The following MAPK10 variants were observed in gnomAD, a reference collection of about 807,000 sequenced individuals.
The protein encoded by MAPK10 is JNK3 alpha protein kinase.
MAPK10 carries 25 observed loss-of-function variants against 59.3 expected under a neutral mutation model. That is an observed-to-expected ratio of 0.42 (90% CI 0.31 to 0.59). The LOEUF (loss-of-function observed/expected upper bound fraction) is 0.59, where lower values mean the gene tolerates loss of function less well. Among genes scored for constraint, MAPK10 ranks in the 20% least tolerant of loss-of-function variants. MAPK10 has a pLI of 0.15. For synonymous variants in MAPK10, 190 were observed against 200.5 expected (o/e 0.95, Z 0.44); for missense variants, 351 against 568.9 (o/e 0.62, Z 3.90).
Position 86,451,891 on chromosome 4 carries a change from G to A in MAPK10, c.-122+1139C>T, listed in dbSNP as rs140018458. Among the ~76,000 whole-genome samples, 112 of 152,274 alleles carry A rather than the reference G, an allele frequency of 7.4e-4. 1 individual carries two copies. The highest frequency in any genetic ancestry group is 2.6e-3 in the African/African-American group (109 of 41,564). ...GACACCAGATACCAGCTCGGGGGAT[G>A]ACAGCTCATCTGGGGCCTGTGTGCA... On this transcript the variant is annotated intron_variant, in intron 1 of 13. Coordinates refer to the MAPK10 transcript ENST00000361569.
At chr4:86,531,244 C>A (rs566423152) in intron 1 of MAPK10, among the ~76,000 whole-genome samples, 19 of 152,302 alleles carry the variant, frequency 1.2e-4, no homozygotes, top group Admixed American at 1.0e-3. Flanking sequence ...CTAAGCAAGT[C>A]ATAAAGTAAT....
intron 2 of MAPK10, among the ~76,000 whole-genome samples, chr4:86,202,095 A>C (rs1306620405): frequency 6.6e-6 from 1 of 152,016 alleles, no homozygotes; most frequent in Non-Finnish European, 1.5e-5. Flanking sequence ...CACATAGTAC[A>C]AAGGGGTATA....
intron 12 of MAPK10, 53 bp from the exon 13 acceptor site, chr4:86,029,327 G>T: frequency 8.8e-7 from 1 of 1,139,842 alleles, no homozygotes; most frequent in Non-Finnish European, 1.3e-6. Context: ...TTCATCCACA[G>T]GGAAATTCAT....
At position 86,311,293 on chromosome 4, in the gene MAPK10, A is replaced by T. The variant is rs552239810; in HGVS notation, c.-7+43237T>A. 2.0e-5 allele frequency among the ~76,000 whole-genome samples: 3 copies of T among 152,234 alleles called. No individual in the cohort carries two copies. The South Asian group carries it at 6.2e-4, about 32-fold the overall frequency. On this transcript the variant is annotated intron_variant, in intron 2 of 13. Transcript: ENST00000641462. ...ATCCTAGGCTCTCGTCTTATTATTC[A>T]TTAGTTTTATAGATAATCCAAGGTA...
At chr4:86,285,000 C>G (rs10019269) in intron 2 of MAPK10, among the ~76,000 whole-genome samples, 35 of 152,252 alleles carry the variant, frequency 2.3e-4, no homozygotes, top group African/African-American at 7.2e-4. Flanking sequence ...ATTTACATGG[C>G]CTTTCAATGA....
chr4:86,108,772 G>A (rs1185828819), intron 4 of MAPK10, among the ~76,000 whole-genome samples: 1 of 152,076 alleles, frequency 6.6e-6, no homozygotes, highest in African/African-American at 2.4e-5. Context: ...CTGCCTTCCA[G>A]GGCAACTCAA....
intron 2 of MAPK10, among the ~76,000 whole-genome samples, chr4:86,195,504 G>A (rs1176823868): frequency 6.6e-6 from 1 of 152,162 alleles, no homozygotes; most frequent in Non-Finnish European, 1.5e-5. Flanking sequence ...AAGTAAATGA[G>A]CTGAGGCCGC....
intron 1 of MAPK10, among the ~76,000 whole-genome samples, chr4:86,584,039 ATGTC>A (rs1762493310): frequency 1.3e-5 from 2 of 152,054 alleles, no homozygotes; most frequent in African/African-American, 4.8e-5. Context: ...GAGTGTGTGT[ATGTC>A]TGTGTGTGTG....
chr4:86,436,428 G>A (rs1405164281), intron 1 of MAPK10, among the ~76,000 whole-genome samples: 1 of 152,214 alleles, frequency 6.6e-6, no homozygotes, highest in Non-Finnish European at 1.5e-5. Flanking sequence ...TGAGTTAAGA[G>A]ATAGGAAAAC....
At chr4:86,427,679 A>G (rs1747486002) in intron 1 of MAPK10, among the ~76,000 whole-genome samples, 1 of 152,248 alleles carries the variant, frequency 6.6e-6, no homozygotes, top group Non-Finnish European at 1.5e-5. Context: ...TTATATTGAC[A>G]GGTTAAAAGA....
intron 4 of MAPK10, among the ~76,000 whole-genome samples, chr4:86,147,094 A>C (rs548411318): frequency 1.2e-4 from 17 of 147,778 alleles, no homozygotes; most frequent in Admixed American, 4.7e-4. Context: ...TCTTCTTCTT[A>C]TTTTTTTTTT....
intron 4 of MAPK10, among the ~76,000 whole-genome samples, chr4:86,156,221 TTATAAC>T (rs1384028402): frequency 2.0e-5 from 3 of 152,056 alleles, no homozygotes; most frequent in Non-Finnish European, 4.4e-5. Flanking sequence ...CCAGGGCATC[TTATAAC>T]TATGATTATT....
chr4:86,121,333 G>T (rs573016034), intron 4 of MAPK10, among the ~76,000 whole-genome samples: 1 of 152,232 alleles, frequency 6.6e-6, no homozygotes, highest in South Asian at 2.1e-4. Flanking sequence ...TGGCAGAGGG[G>T]ATAACTAGCT....
chr4:86,141,780 AGTC>A (rs1438286683), intron 4 of MAPK10, among the ~76,000 whole-genome samples: 4 of 152,232 alleles, frequency 2.6e-5, no homozygotes, highest in Non-Finnish European at 5.9e-5. Context: ...TATGTATGAC[AGTC>A]CTATCTTAGT....
intron 1 of MAPK10, among the ~76,000 whole-genome samples, chr4:86,419,809 A>G (rs1006709411): frequency 6.6e-6 from 1 of 152,170 alleles, no homozygotes; most frequent in Non-Finnish European, 1.5e-5. Context: ...GCTAATATCC[A>G]TGACAGTAAA....
At chr4:86,131,588 G>GA (rs994434224) in intron 4 of MAPK10, among the ~76,000 whole-genome samples, 1 of 151,996 alleles carries the variant, frequency 6.6e-6, no homozygotes, top group South Asian at 2.1e-4. Context: ...AAAATAAAAA[G>GA]AAAAAAAGAG....
chr4:86,428,173 C>T lies in MAPK10; in HGVS notation c.-122+24857G>A, dbSNP rs920726547. The stretch of plus-strand genomic sequence containing the variant: ...TTTTTTTTGAGACAAGGTCTTTTTG[C>T]TCTGTCGCCCAGGCTGGAGCAGCAA... On this transcript the variant is annotated intron_variant, in intron 1 of 13. Coordinates refer to the MAPK10 transcript ENST00000361569. 7.3e-5 allele frequency among the ~76,000 whole-genome samples: 11 copies of T among 150,518 alleles called. No individual in the cohort carries two copies. In the South Asian group the frequency reaches 1.0e-3, roughly 14 times the overall value.
At chr4:86,561,545 A>G (rs1411345736) in intron 1 of MAPK10, among the ~76,000 whole-genome samples, 1 of 152,198 alleles carries the variant, frequency 6.6e-6, no homozygotes, top group African/African-American at 2.4e-5. Flanking sequence ...TTTACAGTGA[A>G]TGAAGAACTA....
intron 2 of MAPK10, among the ~76,000 whole-genome samples, chr4:86,214,913 C>A (rs975522032): frequency 2.2e-4 from 34 of 152,114 alleles, no homozygotes; most frequent in Admixed American, 2.2e-3. Context: ...GACAAATCCA[C>A]CCTAAAATTC....
Sources: allele counts gnomAD v4.1 joint callset (sites outside exome capture counted in the v4.1 genomes callset), GRCh38; gene constraint gnomAD v4.1.1; transcripts MANE v1.5; gene names NCBI Gene and HGNC (gene_info 2026-07-23, HGNC 2026-07-21).